Variants in ZRANB1 observed in about 807,000 individuals in gnomAD.
The protein encoded by ZRANB1 is zinc finger RANBP2-type containing 1.
ZRANB1 carries 16 observed loss-of-function variants against 80.5 expected under a neutral mutation model. The ratio of observed to expected loss-of-function variants is 0.20; its 90% CI spans 0.13 to 0.30. The LOEUF is 0.30. Among genes scored for constraint, ZRANB1 ranks in the 10% least tolerant of loss-of-function variants. The pLI is 1.00. For synonymous variants in ZRANB1, 291 were observed against 293.1 expected (o/e 0.99, Z 0.07); for missense variants, 576 against 862.6 (o/e 0.67, Z 4.16).
chr10:124,945,408 C>CTTTTTT (rs1951571849), intron 1 of ZRANB1: 3 of 60,036 alleles, frequency 5.0e-5, no homozygotes, highest in African/African-American at 2.4e-4. Flanking sequence ...GTCTTAAAAT[C>CTTTTTT]ATTTTTTTTT....
intron 5 of ZRANB1, among the ~76,000 whole-genome samples, chr10:124,975,663 C>T (rs1027737020): frequency 3.9e-5 from 6 of 152,094 alleles, no homozygotes; most frequent in South Asian, 2.1e-4. Context: ...CCACCGTGCC[C>T]GGCCTATAAA....
chr10:124,980,351 C>G (rs1259656151), intron 5 of ZRANB1, among the ~76,000 whole-genome samples: 1 of 152,168 alleles, frequency 6.6e-6, no homozygotes, highest in African/African-American at 2.4e-5. Flanking sequence ...ATTGAACCTC[C>G]CTTCTTCAGT....
At chr10:124,924,302 A>G in the ZRANB1 span, among the ~76,000 whole-genome samples, 1 of 152,066 alleles carries the variant, frequency 6.6e-6, no homozygotes, top group Non-Finnish European at 1.5e-5. Flanking sequence ...TTTTCTAAAA[A>G]AAAAAAAAAG....
At chr10:124,918,518 T>C in the ZRANB1 span, among the ~76,000 whole-genome samples, 1 of 152,248 alleles carries the variant, frequency 6.6e-6, no homozygotes, top group Non-Finnish European at 1.5e-5. Context: ...TGGGACCTAT[T>C]ATATAATGAG....
upstream of ZRANB1, chr10:124,940,619 A>G: frequency 1.0e-6 from 1 of 987,326 alleles, no homozygotes; most frequent in South Asian, 1.4e-5. Context: ...TTCTTAGCAG[A>G]GTTCACACTA....
In ZRANB1 at chr10:124,983,540, C is replaced by G. The variant is rs1480391772; in HGVS notation, c.1760C>G (p.Ser587Cys). 1 of 1,614,156 alleles carries G rather than the reference C, an allele frequency of 6.2e-7. No individual in the cohort carries two copies. Among genetic ancestry groups the G allele is most frequent in the Non-Finnish European group, 8.5e-7 (1 of 1,180,032 alleles). The change falls in exon 8 of 9, where the codon TCT (serine) becomes TGT (cysteine). Residue 587 changes from serine (S) to cysteine (C), a missense_variant. This residue lies in a region of ZRANB1 where 152 missense variants were observed against 221.9 expected (regional missense o/e 0.69). Coordinates refer to ENST00000359653, the MANE Select transcript of ZRANB1 (RefSeq NM_017580.3). The surrounding 1 kb of genome is among the most constrained non-coding windows in gnomAD (Gnocchi z 6.2). ...IALGYTRGHF[S>C]ALVAMENDGY... ...CTGGGTTATACGAGGGGCCACTTCT[C>G]TGCTTTGGTTGCCATGGAAAATGAT...
intron 1 of ZRANB1, among the ~76,000 whole-genome samples, chr10:124,949,699 G>A (rs1239286894): frequency 1.3e-5 from 2 of 151,964 alleles, no homozygotes; most frequent in African/African-American, 4.8e-5. Context: ...TTTTAAAAAT[G>A]ATTTGTAGAG....
At chr10:124,950,580 T>C (rs1777341603) in intron 1 of ZRANB1, among the ~76,000 whole-genome samples, 1 of 152,234 alleles carries the variant, frequency 6.6e-6, no homozygotes, top group Admixed American at 6.5e-5. Context: ...TGGATTCTAA[T>C]TGTATTTGGG....
chr10:124,983,664 T>A lies in ZRANB1; in HGVS notation c.1884T>A (p.His628Gln). The change falls in exon 8 of 9, where the codon CAT (histidine) becomes CAA (glutamine). Residue 628 changes from histidine to glutamine, a missense_variant. His to Gln is a conservative substitution (Grantham distance 24). This residue lies in a region of ZRANB1 where 152 missense variants were observed against 221.9 expected (regional missense o/e 0.69). Coordinates refer to ENST00000359653, the MANE Select transcript of ZRANB1 (RefSeq NM_017580.3). The surrounding 1 kb of genome is among the most constrained non-coding windows in gnomAD (Gnocchi z 6.2). ...PLVDSERKLL[H>Q]VHFLSAQELG... is the part of the protein sequence containing the mutation. ...TTGACAGTGAAAGGAAGCTACTCCA[T>A]GTGCACTTCCTTTCTGCTCAGGAGG... 3 of 1,602,104 alleles carry A rather than the reference T, an allele frequency of 1.9e-6. No homozygotes were observed. Among genetic ancestry groups the A allele is most frequent in the Non-Finnish European group, 2.6e-6 (3 of 1,173,098 alleles).
At chr10:124,984,715 C>A in intron 8 of ZRANB1, 59 bp from the exon 9 acceptor site, 2 of 1,540,414 alleles carry the variant, frequency 1.3e-6, no homozygotes, top group Admixed American at 1.8e-5. Context: ...ATGTCACATT[C>A]CTACCAAGTC....
chr10:124,947,114 G>A (rs1951592112), intron 1 of ZRANB1, among the ~76,000 whole-genome samples: 1 of 152,176 alleles, frequency 6.6e-6, no homozygotes, highest in African/African-American at 2.4e-5. Context: ...TGACATAGCT[G>A]TTGGGTGTTA....
At chr10:124,972,897 C>T (rs958371071) in intron 3 of ZRANB1, among the ~76,000 whole-genome samples, 1 of 151,976 alleles carries the variant, frequency 6.6e-6, no homozygotes, top group Non-Finnish European at 1.5e-5. Flanking sequence ...CTGCCTTGAC[C>T]TCCTGAGTAG....
intron 1 of ZRANB1, among the ~76,000 whole-genome samples, chr10:124,963,063 C>T (rs1007440612): frequency 7.2e-5 from 11 of 151,988 alleles, no homozygotes; most frequent in African/African-American, 2.4e-4. Context: ...GTCAGGAGTT[C>T]GAGATCAACC....
the ZRANB1 span, among the ~76,000 whole-genome samples, chr10:124,932,833 G>A: frequency 6.6e-6 from 1 of 152,078 alleles, no homozygotes; most frequent in African/African-American, 2.4e-5. Flanking sequence ...AAAGTGCTGG[G>A]ATTATAGGCG....
chr10:124,940,806 A>G (rs562140262), upstream of ZRANB1, among the ~76,000 whole-genome samples: 19 of 151,996 alleles, frequency 1.3e-4, no homozygotes, highest in Middle Eastern at 3.4e-3. Context: ...CTGAAACCCT[A>G]TCTCTACTAA....
chr10:124,946,722 A>G (rs1417299300), intron 1 of ZRANB1, among the ~76,000 whole-genome samples: 2 of 152,366 alleles, frequency 1.3e-5, no homozygotes, highest in African/African-American at 4.8e-5. Context: ...ATGTGTAAAC[A>G]TAACTGAAAT....
At chr10:124,933,019 C>T in the ZRANB1 span, among the ~76,000 whole-genome samples, 2 of 152,032 alleles carry the variant, frequency 1.3e-5, no homozygotes, top group South Asian at 4.1e-4. Flanking sequence ...AGTCACTTAT[C>T]TTTTGCAAAT....
At chr10:124,947,633 A>C (rs931133977) in intron 1 of ZRANB1, among the ~76,000 whole-genome samples, 2 of 152,164 alleles carry the variant, frequency 1.3e-5, no homozygotes, top group Non-Finnish European at 2.9e-5. Flanking sequence ...CAGTAATGCT[A>C]AAACAGAACT....
At chr10:124,917,635 A>G in the ZRANB1 span, among the ~76,000 whole-genome samples, 1 of 152,176 alleles carries the variant, frequency 6.6e-6, no homozygotes, top group Non-Finnish European at 1.5e-5. Context: ...CCCACTCCGC[A>G]ATAGGCCGTA....
Sources: allele counts gnomAD v4.1 joint callset (sites outside exome capture counted in the v4.1 genomes callset), GRCh38; gene constraint gnomAD v4.1.1; regional missense constraint gnomAD v4.1.1; non-coding constraint Gnocchi (gnomAD v3.1); transcripts MANE v1.5; gene names NCBI Gene and HGNC (gene_info 2026-07-23, HGNC 2026-07-21).